Variants in CCNY observed in about 807,000 individuals in gnomAD.
CCNY encodes cyclin-Y.
Under a neutral mutation model 42.8 loss-of-function variants are expected in CCNY, and 19 were observed. The ratio of observed to expected loss-of-function variants is 0.44; its 90% CI spans 0.31 to 0.65. The LOEUF (loss-of-function observed/expected upper bound fraction) is 0.65. Among genes scored for constraint, CCNY ranks in the 30% least tolerant of loss-of-function variants. CCNY has a pLI of 0.07. For synonymous variants in CCNY, 165 were observed against 162.7 expected, an observed-to-expected ratio of 1.01 and a Z score of -0.11; for missense variants, 370 against 437.3, an observed-to-expected ratio of 0.85 and a Z score of 1.37.
chr10:35,468,874 T>C (rs1318714513), intron 1 of CCNY, among the ~76,000 whole-genome samples: 1 of 152,124 alleles, frequency 6.6e-6, no homozygotes, highest in Non-Finnish European at 1.5e-5. Flanking sequence ...GGGCAGTTGC[T>C]CCCCCTGCCA....
chr10:35,333,147 T>C (rs1438103002), upstream of CCNY, among the ~76,000 whole-genome samples: 1 of 152,062 alleles, frequency 6.6e-6, no homozygotes, highest in East Asian at 1.9e-4. Context: ...CAAGCCATCT[T>C]CCTAATCCTC....
At chr10:35,343,934 A>G (rs1836243263) in intron 1 of CCNY, among the ~76,000 whole-genome samples, 1 of 152,234 alleles carries the variant, frequency 6.6e-6, no homozygotes, top group South Asian at 2.1e-4. Context: ...GTCACACTTC[A>G]AAGTGTGAAT....
At chr10:35,418,858 G>A (rs1838085156) in intron 1 of CCNY, among the ~76,000 whole-genome samples, 1 of 151,156 alleles carries the variant, frequency 6.6e-6, no homozygotes, top group South Asian at 2.1e-4. Flanking sequence ...TAATCTCTCT[G>A]TCACCAGGCT....
chr10:35,483,483 G>GTCC lies in CCNY; in HGVS notation c.229+7_229+9dup. ...TCAGTAAATCTCAGACGGACGGTAG[G>GTCC]TCCTTAATTTATGTTTCTTTTTGTA... On this transcript the variant is annotated splice_donor_region_variant and intron_variant, in intron 2 of 9. Coordinates refer to ENST00000374704, the MANE Select transcript of CCNY (RefSeq NM_145012.6). 1.3e-6 allele frequency: 2 copies of GTCC among 1,568,422 alleles called. No individual in the cohort carries two copies. The highest frequency in any genetic ancestry group is 1.7e-6 in the Non-Finnish European group (2 of 1,143,770).
rs533907510 is a variant in CCNY at position 35,530,557 on chromosome 10, C to T, written c.579+314C>T. Reference sequence around the variant, plus strand: ...AGAGAGTGGTTATATGGCCAAGGTACTCCCTGTATACGTCTAGGTTTCCTG... The same window carrying T: ...AGAGAGTGGTTATATGGCCAAGGTATTCCCTGTATACGTCTAGGTTTCCTG... On this transcript the variant is annotated intron_variant, in intron 7 of 9. Transcript: ENST00000374704. This position sits in a 1 kb window ranked among gnomAD's most constrained non-coding sequence, Gnocchi z 4.3. 2.6e-5 allele frequency among the ~76,000 whole-genome samples: 4 copies of T among 152,280 alleles called. No individual in the cohort carries two copies. The highest frequency in any genetic ancestry group is 2.1e-4 in the South Asian group (1 of 4,822).
At chr10:35,488,536 TCGGTGTGTCTCCTTCAGGG>T (rs1478506701) in intron 2 of CCNY, among the ~76,000 whole-genome samples, 52 of 152,330 alleles carry the variant, frequency 3.4e-4, no homozygotes, top group African/African-American at 1.2e-3. Context: ...CCTCAGTTGC[TCGGTGTGTCTCCTTCAGGG>T]CATGTCAAGT....
At position 35,382,644 on chromosome 10, in the gene CCNY, C is replaced by T. The variant is rs544120044; in HGVS notation, c.154+45437C>T. 5.7e-4 allele frequency among the ~76,000 whole-genome samples: 87 copies of T among 152,226 alleles called. 1 individual carries two copies. Among genetic ancestry groups the T allele is most frequent in the Admixed American group, 3.1e-3 (47 of 15,300 alleles). The stretch of plus-strand genomic sequence containing the variant: ...TACACAGGACAGCCCCTCTACCCCT[C>T]CAGTAAAGAATTACCGGGCCCAGTT... On this transcript the variant is annotated intron_variant, in intron 1 of 9. Transcript: ENST00000374704.
chr10:35,303,777 CAAAAAAAAAA>C (rs755443366), intron 3 of CCNY, among the ~76,000 whole-genome samples: 9 of 48,524 alleles, frequency 1.9e-4, no homozygotes, highest in Non-Finnish European at 3.9e-4. Flanking sequence ...AACTCCGTCT[CAAAAAAAAAA>C]AAAAAAAAAA....
chr10:35,425,437 A>T (rs1204343035), intron 1 of CCNY, among the ~76,000 whole-genome samples: 1 of 152,212 alleles, frequency 6.6e-6, no homozygotes, highest in African/African-American at 2.4e-5. Flanking sequence ...ATACTCATAC[A>T]TGTTTGCAAA....
In CCNY at chr10:35,476,143, G is replaced by C. The variant is rs575262757; in HGVS notation, c.155-7261G>C. Among the ~76,000 whole-genome samples, 1,029 of 152,210 alleles carry C rather than the reference G, an allele frequency of 6.8e-3. 15 individuals are homozygous for C. The highest frequency in any genetic ancestry group is 0.023 in the African/African-American group (972 of 41,522). ...CACCTAGATTCATAAAGCAAGTCCT[G>C]AGTGACCTACAAAGAGACTTAGACT... On this transcript the variant is annotated intron_variant, in intron 1 of 9. Transcript: ENST00000374704.
chr10:35,468,582 G>C (rs1031340850), intron 1 of CCNY, among the ~76,000 whole-genome samples: 2 of 151,840 alleles, frequency 1.3e-5, no homozygotes, highest in Admixed American at 6.6e-5. Context: ...TCAAGTTTTT[G>C]AGGGTCTGAT....
intron 1 of CCNY, among the ~76,000 whole-genome samples, chr10:35,441,226 C>T (rs1399803228): frequency 6.6e-6 from 1 of 152,156 alleles, no homozygotes; most frequent in Non-Finnish European, 1.5e-5. Context: ...CATTGTAAGC[C>T]AAGAACAAGT....
intron 1 of CCNY, among the ~76,000 whole-genome samples, chr10:35,420,410 CTT>C: frequency 6.6e-6 from 1 of 152,334 alleles, no homozygotes; most frequent in African/African-American, 2.4e-5. Context: ...CTTGTGCCCT[CTT>C]GTTTCTCATG....
chr10:35,445,769 G>A (rs1025757693), intron 1 of CCNY, among the ~76,000 whole-genome samples: 1 of 152,180 alleles, frequency 6.6e-6, no homozygotes, highest in African/African-American at 2.4e-5. Context: ...TAATAATCCT[G>A]CTGATACTTG....
intron 3 of CCNY, among the ~76,000 whole-genome samples, chr10:35,290,265 A>ACACACACACAC (rs1405052578): frequency 5.0e-4 from 25 of 50,174 alleles, no homozygotes; most frequent in African/African-American, 1.9e-3. Flanking sequence ...CACACACACA[A>ACACACACACAC]AATTAGCTGG....
chr10:35,468,089 A>C (rs1839307007), intron 1 of CCNY, among the ~76,000 whole-genome samples: 1 of 152,264 alleles, frequency 6.6e-6, no homozygotes, highest in African/African-American at 2.4e-5. Context: ...TATTCCTTAC[A>C]GTTCAGGAAG....
At chr10:35,289,464 G>A (rs1000896578) in intron 3 of CCNY, 4 of 152,166 alleles carry the variant, frequency 2.6e-5, no homozygotes. Context: ...CAATCTTAGA[G>A]TAAAAACATT....
intron 1 of CCNY, among the ~76,000 whole-genome samples, chr10:35,412,060 C>G (rs1433218466): frequency 3.3e-5 from 5 of 152,132 alleles, no homozygotes; most frequent in African/African-American, 1.2e-4. Context: ...ACATGCTGTT[C>G]TCATGGGAAA....
At chr10:35,558,756 G>A (rs758427731) in intron 8 of CCNY, among the ~76,000 whole-genome samples, 13 of 152,120 alleles carry the variant, frequency 8.5e-5, no homozygotes, top group African/African-American at 4.8e-5. Context: ...GAGAGGTCTC[G>A]GAAGAAACCA....
Sources: gnomAD v4.1 joint callset for allele counts (sites outside exome capture counted in the v4.1 genomes callset) on GRCh38, gnomAD v4.1.1 for gene constraint, Gnocchi (gnomAD v3.1) non-coding constraint, MANE v1.5 for transcripts, NCBI Gene and HGNC (gene_info 2026-07-23, HGNC 2026-07-21) for gene names.